Variants in MDM2 observed in about 807,000 individuals in gnomAD.
The protein encoded by MDM2 is E3 ubiquitin-protein ligase Mdm2.
Under a neutral mutation model 64.3 loss-of-function variants are expected in MDM2, and 11 were observed. That is an observed-to-expected ratio of 0.17 (90% CI 0.11 to 0.28). The LOEUF (loss-of-function observed/expected upper bound fraction) is 0.28, where lower values mean the gene tolerates loss of function less well. Among genes scored for constraint, MDM2 ranks in the 10% least tolerant of loss-of-function variants. The pLI, the probability that MDM2 is intolerant of heterozygous loss-of-function variation, is 1.00. For synonymous variants in MDM2, 194 were observed against 192.9 expected (o/e 1.01, Z -0.05); for missense variants, 388 against 577.1 (o/e 0.67, Z 3.36).
Position 68,817,120 on chromosome 12 carries a change from TA to T in MDM2, c.308+178del, listed in dbSNP as rs1881452699. 7 of 629,582 alleles carry T rather than the reference TA, an allele frequency of 1.1e-5. No homozygotes were observed. The East Asian group carries it at 2.3e-4, about 21-fold the overall frequency. The allele number at this position is 629,582 out of a possible 1,614,324, so 39.0% of individuals were successfully genotyped here. A position where few individuals can be genotyped will look rare whatever the true frequency, so the allele number is the denominator to read the frequency against. On this transcript the variant is annotated intron_variant, in intron 4 of 10. Coordinates refer to ENST00000258149, the MANE Select transcript of MDM2 (RefSeq NM_002392.6). ...TGAGAACCTGAGCTCTGGCATCTTA[TA>T]AACCAGTGTTTGAAACCTAGCCCAA...
intron 9 of MDM2, 88 bp from the exon 10 acceptor site, chr12:68,836,584 T>C: frequency 1.1e-6 from 1 of 883,196 alleles, no homozygotes; most frequent in Non-Finnish European, 1.9e-6. Flanking sequence ...TTGTAGTACA[T>C]GATATTTGTT....
intron 8 of MDM2, among the ~76,000 whole-genome samples, chr12:68,832,011 A>G (rs1315516313): frequency 6.6e-6 from 1 of 152,224 alleles, no homozygotes; most frequent in African/African-American, 2.4e-5. Flanking sequence ...CGGAGGTTGC[A>G]GTGAGCTGAG....
intron 3 of MDM2, chr12:68,815,764 AG>A (rs1881316617): frequency 4.5e-6 from 1 of 220,508 alleles, no homozygotes; most frequent in Non-Finnish European, 9.7e-6. Context: ...TTTCTAATAC[AG>A]TGATAATAAT....
Position 68,845,378 on chromosome 12 carries a change from C to T in MDM2, c.*5529C>T, listed in dbSNP as rs748598341. 3.8e-5 allele frequency: 8 copies of T among 210,450 alleles called. No homozygotes were observed. In the South Asian group the frequency reaches 1.1e-3, roughly 30 times the overall value. 13.0% of individuals were successfully genotyped at this position (210,450 alleles called of 1,614,324 possible). ...GCACTTGGAAGGTGTTCAGAAGTAA[C>T]AAATTATAAAATGAGCTAACAAACG... On this transcript the variant is annotated 3_prime_UTR_variant, in exon 11 of 11. Coordinates refer to ENST00000258149, the MANE Select transcript of MDM2 (RefSeq NM_002392.6).
intron 2 of MDM2, among the ~76,000 whole-genome samples, chr12:68,810,363 C>T (rs1880764155): frequency 6.6e-6 from 1 of 151,776 alleles, no homozygotes; most frequent in South Asian, 2.1e-4. Flanking sequence ...CTCCTGAGTT[C>T]TCAATTTTAC....
At chr12:68,822,240 TAATA>T (rs1023610970) in intron 5 of MDM2, among the ~76,000 whole-genome samples, 15 of 152,230 alleles carry the variant, frequency 9.9e-5, no homozygotes, top group African/African-American at 3.6e-4. Context: ...ATATGGTATT[TAATA>T]AATGTGTTGA....
At chr12:68,813,292 T>G (rs999115811) in intron 2 of MDM2, among the ~76,000 whole-genome samples, 2 of 152,206 alleles carry the variant, frequency 1.3e-5, no homozygotes, top group Non-Finnish European at 2.9e-5. Flanking sequence ...TCATTGGATC[T>G]CAGTAATTTA....
In MDM2 at chr12:68,841,518, T is replaced by TC. The variant is rs1883765740; in HGVS notation, c.*1671dup. 1 of 210,436 alleles carries TC rather than the reference T, an allele frequency of 4.8e-6. No individual in the cohort carries two copies. Among genetic ancestry groups the TC allele is most frequent in the Non-Finnish European group, 9.6e-6 (1 of 103,744 alleles). 13.0% of individuals were successfully genotyped at this position (210,436 alleles called of 1,614,324 possible). A position where few individuals can be genotyped will look rare whatever the true frequency, so the allele number is the denominator to read the frequency against. On this transcript the variant is annotated 3_prime_UTR_variant, in exon 11 of 11. Transcript: ENST00000258149. ...CCGTAAGACAAAACTTGTTAAAGCC[T>TC]CCTGAGTCTAACCTAGATTACATCA... is the stretch of plus-strand genomic sequence containing the variant.
chr12:68,848,134 A>T (rs1177009978), downstream of MDM2: 1 of 152,240 alleles, frequency 6.6e-6, no homozygotes, highest in African/African-American at 2.4e-5. Flanking sequence ...CTCTTAAAAA[A>T]ATAAAAAATA....
chr12:68,847,505 T>G (rs1408428871), downstream of MDM2: 1 of 130,088 alleles, frequency 7.7e-6, no homozygotes, highest in Non-Finnish European at 1.6e-5. Context: ...CCAGGCCGGA[T>G]TGCAGTGGCG....
intron 8 of MDM2, 122 bp from the exon 9 acceptor site, chr12:68,835,707 A>C (rs1883250564): frequency 2.3e-6 from 2 of 882,224 alleles, no homozygotes; most frequent in African/African-American, 1.7e-5. Flanking sequence ...TCAGAGCAGC[A>C]GGCCCATCCC....
intron 5 of MDM2, among the ~76,000 whole-genome samples, chr12:68,822,411 CTTTT>C (rs910854520): frequency 7.0e-6 from 1 of 143,586 alleles, no homozygotes; most frequent in African/African-American, 2.7e-5. Flanking sequence ...TTTTTATTTC[CTTTT>C]TTTTTAATTA....
chr12:68,835,251 A>G (rs2136167163), intron 8 of MDM2, among the ~76,000 whole-genome samples: 1 of 152,348 alleles, frequency 6.6e-6, no homozygotes, highest in Admixed American at 6.5e-5. Flanking sequence ...AGTAGTAAGG[A>G]TAATTAAAGG....
intron 4 of MDM2, among the ~76,000 whole-genome samples, chr12:68,819,311 G>A (rs993454431): frequency 4.6e-5 from 7 of 152,130 alleles, no homozygotes; most frequent in South Asian, 2.1e-4. Flanking sequence ...TGACATCAAC[G>A]AATACTGGGG....
intron 1 of MDM2, chr12:68,808,917 T>G (rs190856764): frequency 1.4e-4 from 191 of 1,363,142 alleles, no homozygotes; most frequent in Admixed American, 6.9e-4. Context: ...CTTTTCCTCT[T>G]GAGCTGGTCA....
chr12:68,843,187 G>C lies in MDM2; in HGVS notation c.*3338G>C, dbSNP rs1883947793. The C allele has an allele frequency of 8.9e-6, 2 of 223,520 alleles. No homozygotes were observed. Among genetic ancestry groups the C allele is most frequent in the Non-Finnish European group, 1.8e-5 (2 of 112,246 alleles). 13.8% of individuals were successfully genotyped at this position (223,520 alleles called of 1,614,324 possible). A position where few individuals can be genotyped will look rare whatever the true frequency, so the allele number is the denominator to read the frequency against. ...TTGCACACAAAACCACTTTTAATGG[G>C]TACAGAGTTAAATTTGAAGGAATAA... On this transcript the variant is annotated 3_prime_UTR_variant, in exon 11 of 11. Transcript: ENST00000258149.
At chr12:68,832,986 C>A (rs1031635444) in intron 8 of MDM2, among the ~76,000 whole-genome samples, 18 of 149,324 alleles carry the variant, frequency 1.2e-4, no homozygotes, top group African/African-American at 3.9e-4. Flanking sequence ...ATTAGCCGGG[C>A]GTGGTGGCGG....
At position 68,844,541 on chromosome 12, in the gene MDM2, A is replaced by G. The variant is rs1884099012; in HGVS notation, c.*4692A>G. 2 of 228,146 alleles carry G rather than the reference A, an allele frequency of 8.8e-6. No homozygotes were observed. Among genetic ancestry groups the G allele is most frequent in the South Asian group, 3.6e-4 (2 of 5,484 alleles). The allele number at this position is 228,146 out of a possible 1,614,324, so 14.1% of individuals were successfully genotyped here. A position where few individuals can be genotyped will look rare whatever the true frequency, so the allele number is the denominator to read the frequency against. The stretch of plus-strand genomic sequence containing the variant: ...TGGGCTAGCCACCGTACCACTTGTC[A>G]GCGTGAAAAGTAAGATTGTAATTGC... On this transcript the variant is annotated 3_prime_UTR_variant, in exon 11 of 11. Transcript: ENST00000258149.
rs1883801355 is a variant in MDM2 at position 68,841,926 on chromosome 12, G to C, written c.*2077G>C. ...TGGAGGCCCATCCGAGCTCAGCACTGAGAAGTGTTAGTTTCTTTGGGACCC... is the reference window on the plus strand; with the variant it reads ...TGGAGGCCCATCCGAGCTCAGCACTCAGAAGTGTTAGTTTCTTTGGGACCC... On this transcript the variant is annotated 3_prime_UTR_variant, in exon 11 of 11. Coordinates refer to ENST00000258149, the MANE Select transcript of MDM2 (RefSeq NM_002392.6). 1.8e-5 allele frequency: 5 copies of C among 275,994 alleles called. No homozygotes were observed. The South Asian group carries it at 3.5e-4, about 19-fold the overall frequency. 17.1% of individuals were successfully genotyped at this position (275,994 alleles called of 1,614,324 possible).
Sources: gnomAD v4.1 joint callset for allele counts (sites outside exome capture counted in the v4.1 genomes callset) on GRCh38, gnomAD v4.1.1 for gene constraint, MANE v1.5 for transcripts, NCBI Gene and HGNC (gene_info 2026-07-23, HGNC 2026-07-21) for gene names.